The following ANKIB1 variants were observed in gnomAD, a reference collection of about 807,000 sequenced individuals.
The protein encoded by ANKIB1 is ankyrin repeat and IBR domain-containing protein 1.
In ANKIB1, 43 loss-of-function variants were observed where a neutral mutation model predicts 122.1. The ratio of observed to expected loss-of-function variants is 0.35; its 90% CI spans 0.28 to 0.45. ANKIB1 has a LOEUF of 0.45. Among genes scored for constraint, ANKIB1 ranks in the 20% least tolerant of loss-of-function variants. The pLI is 1.00. For synonymous variants in ANKIB1, 390 were observed against 442.0 expected, an observed-to-expected ratio of 0.88 and a Z score of 1.48; for missense variants, 992 against 1,329.5, an observed-to-expected ratio of 0.75 and a Z score of 3.95.
chr7:92,398,780 G>A lies in ANKIB1; in HGVS notation c.3101G>A (p.Gly1034Glu), dbSNP rs1278851765. 11 of 1,612,544 alleles carry A rather than the reference G, an allele frequency of 6.8e-6. No homozygotes were observed. The South Asian group carries it at 1.2e-4, about 18-fold the overall frequency. Reference protein sequence around the residue: ...FEDASVSEGRGTQIEENPLEE... With the variant: ...FEDASVSEGRETQIEENPLEE... The stretch of plus-strand genomic sequence containing the variant: ...GATGCCAGTGTCAGTGAAGGTAGAG[G>A]AACCCAGATAGAAGAAAATCCTTTG... The change falls in exon 20 of 20, where the codon GGA becomes GAA. Residue 1034 changes from glycine (G) to glutamate (E), a missense_variant. Gly to Glu is a moderately conservative substitution (Grantham distance 98). This residue lies in a region of ANKIB1 where 384 missense variants were observed against 412.0 expected (regional missense o/e 0.93). Coordinates refer to ENST00000265742, the MANE Select transcript of ANKIB1 (RefSeq NM_019004.2).
At chr7:92,353,935 T>C (rs537232959) in intron 9 of ANKIB1, among the ~76,000 whole-genome samples, 2 of 152,260 alleles carry the variant, frequency 1.3e-5, no homozygotes, top group South Asian at 4.1e-4. Context: ...AAGGAAAACA[T>C]AAATTAGGAA....
chr7:92,286,076 T>C (rs529402324), intron 1 of ANKIB1, among the ~76,000 whole-genome samples: 1 of 152,342 alleles, frequency 6.6e-6, no homozygotes, highest in East Asian at 1.9e-4. Flanking sequence ...TGAACCCTGG[T>C]ATCCCTGAAG....
intron 3 of ANKIB1, among the ~76,000 whole-genome samples, chr7:92,309,170 ATTGAGT>A (rs371594654): frequency 3.9e-5 from 6 of 152,198 alleles, no homozygotes; most frequent in African/African-American, 1.2e-4. Context: ...TTGTCATTTC[ATTGAGT>A]TTGTGTAACC....
At chr7:92,321,842 G>A (rs1321618179) in intron 4 of ANKIB1, among the ~76,000 whole-genome samples, 1 of 152,110 alleles carries the variant, frequency 6.6e-6, no homozygotes, top group Non-Finnish European at 1.5e-5. Context: ...TATTTTATAG[G>A]CAAGCTTATT....
At position 92,398,465 on chromosome 7, in the gene ANKIB1, A is replaced by G. The variant is rs1804947369; in HGVS notation, c.2786A>G (p.Asn929Ser). 2.5e-6 allele frequency: 4 copies of G among 1,613,954 alleles called. No individual in the cohort carries two copies. Among genetic ancestry groups the G allele is most frequent in the Non-Finnish European group, 3.4e-6 (4 of 1,179,858 alleles). ...GDSLMRLGAE[N>S]DPFSTDTLSS... ...AGCCTCATGAGACTAGGAGCAGAGA[A>G]TGACCCATTTTCAACTGACACCCTG... The change falls in exon 20 of 20, where the codon AAT becomes AGT. Residue 929 changes from asparagine to serine, a missense_variant. This residue lies in a region of ANKIB1 where 384 missense variants were observed against 412.0 expected (regional missense o/e 0.93). Transcript: ENST00000265742.
chr7:92,370,100 T>C (rs1466102076), intron 10 of ANKIB1, among the ~76,000 whole-genome samples: 4 of 152,086 alleles, frequency 2.6e-5, no homozygotes, highest in Non-Finnish European at 5.9e-5. Context: ...GCAAAAGCAA[T>C]TGGATTTTAT....
chr7:92,305,098 T>C (rs1802532177), intron 2 of ANKIB1, among the ~76,000 whole-genome samples: 1 of 152,258 alleles, frequency 6.6e-6, no homozygotes, highest in African/African-American at 2.4e-5. Flanking sequence ...TTCCAGATTT[T>C]TCTGTTCAAA....
intron 9 of ANKIB1, among the ~76,000 whole-genome samples, chr7:92,353,219 A>G (rs956220428): frequency 1.3e-5 from 2 of 152,214 alleles, no homozygotes; most frequent in Non-Finnish European, 2.9e-5. Context: ...AAAATTTCCC[A>G]GGAGATGCTA....
intron 1 of ANKIB1, among the ~76,000 whole-genome samples, chr7:92,261,198 A>C (rs1011741643): frequency 6.6e-6 from 1 of 151,600 alleles, no homozygotes; most frequent in African/African-American, 2.4e-5. Context: ...AAATACAAAA[A>C]ATTAGCCAGG....
chr7:92,338,934 ATATATAT>A (rs1332171746), intron 5 of ANKIB1, among the ~76,000 whole-genome samples: 23 of 13,490 alleles, frequency 1.7e-3, no homozygotes, highest in South Asian at 3.3e-3. Context: ...AAAAAAAAAA[ATATATAT>A]ATATATATAT....
chr7:92,390,360 A>C (rs567510263), intron 15 of ANKIB1, among the ~76,000 whole-genome samples: 1 of 152,296 alleles, frequency 6.6e-6, no homozygotes, highest in East Asian at 1.9e-4. Context: ...TTCCTGTAGC[A>C]TTTATGTCTT....
At chr7:92,392,315 GTTTTTGTAT>G in intron 17 of ANKIB1, 23 bp downstream of exon 17, 2 of 1,605,670 alleles carry the variant, frequency 1.2e-6, no homozygotes, top group Non-Finnish European at 8.5e-7. Flanking sequence ...TGGGGTTTTT[GTTTTTGTAT>G]TTTTTCTTAG....
In ANKIB1 at chr7:92,358,264, A is replaced by G. The variant is rs371109005; in HGVS notation, c.1398-3921A>G. ...CTCAAAAAAAAATGTGGCAACCTCA[A>G]CCTCTTTAATTCACAGTCCATGCTG... On this transcript the variant is annotated intron_variant, in intron 9 of 19. Transcript: ENST00000265742. 3.2e-4 allele frequency among the ~76,000 whole-genome samples: 49 copies of G among 152,206 alleles called. 1 individual carries two copies. The highest frequency in any genetic ancestry group is 9.9e-4 in the African/African-American group (41 of 41,524).
At chr7:92,393,970 T>G (rs1804837022) in intron 17 of ANKIB1, among the ~76,000 whole-genome samples, 2 of 152,180 alleles carry the variant, frequency 1.3e-5, no homozygotes, top group African/African-American at 4.8e-5. Context: ...TCAGTGAAGT[T>G]AATTTCATCT....
chr7:92,317,833 AAAG>A lies in ANKIB1; in HGVS notation c.487-1493_487-1491del, dbSNP rs563040035. On this transcript the variant is annotated intron_variant, in intron 3 of 19. Coordinates refer to ENST00000265742, the MANE Select transcript of ANKIB1 (RefSeq NM_019004.2). ...GATAAAATTATTTGGAAGAAAATAA[AAAG>A]AAGCTACCATTTTGATCAACTCATG... 2.2e-3 allele frequency among the ~76,000 whole-genome samples: 337 copies of A among 152,360 alleles called. 2 individuals carry two copies. Among genetic ancestry groups the A allele is most frequent in the Non-Finnish European group, 2.9e-3 (199 of 68,040 alleles).
chr7:92,347,820 A>G (rs1213515436), intron 7 of ANKIB1: 1 of 232,598 alleles, frequency 4.3e-6, no homozygotes, highest in Admixed American at 5.9e-5. Flanking sequence ...TAAAGTGGTG[A>G]TAATAGTATG....
At chr7:92,320,035 T>C (rs1203658595) in intron 4 of ANKIB1, 1 of 152,448 alleles carries the variant, frequency 6.6e-6, no homozygotes, top group Non-Finnish European at 1.5e-5. Context: ...AATAAGGTGC[T>C]GATGTGAGAT....
chr7:92,299,209 C>T (rs1312786433), intron 2 of ANKIB1, among the ~76,000 whole-genome samples: 1 of 152,184 alleles, frequency 6.6e-6, no homozygotes, highest in Non-Finnish European at 1.5e-5. Flanking sequence ...AACAACTTCT[C>T]AACACAGACT....
intron 2 of ANKIB1, among the ~76,000 whole-genome samples, chr7:92,306,744 T>C (rs1397318820): frequency 1.3e-5 from 2 of 152,198 alleles, no homozygotes; most frequent in African/African-American, 4.8e-5. Flanking sequence ...GTTTATGATA[T>C]TTTTATAATA....
Sources: gnomAD v4.1 joint callset for allele counts (sites outside exome capture counted in the v4.1 genomes callset) on GRCh38, gnomAD v4.1.1 for gene constraint, gnomAD v4.1.1 regional missense constraint, MANE v1.5 for transcripts, NCBI Gene and HGNC (gene_info 2026-07-23, HGNC 2026-07-21) for gene names.